The following DCDC2 variants were observed in gnomAD, a reference collection of about 807,000 sequenced individuals.
DCDC2 encodes the protein doublecortin domain containing 2, also known as doublecortin domain-containing protein 2.
In DCDC2, 40 loss-of-function variants were observed where a neutral mutation model predicts 50.2. The ratio of observed to expected loss-of-function variants is 0.80; its 90% confidence interval spans 0.62 to 1.04. The LOEUF is 1.04. Among genes scored for constraint, DCDC2 ranks in the 50% least tolerant of loss-of-function variants. The pLI, the probability that DCDC2 is intolerant of heterozygous loss-of-function variation, is 0.00. For missense variants in DCDC2, 570 were observed against 581.9 expected, an observed-to-expected ratio of 0.98 and a Z score of 0.21; for synonymous variants, 234 against 210.6, an observed-to-expected ratio of 1.11 and a Z score of -0.96.
chr6:24,238,078 G>A (rs1301808465), intron 7 of DCDC2, among the ~76,000 whole-genome samples: 1 of 55,910 alleles, frequency 1.8e-5, no homozygotes, highest in African/African-American at 5.9e-5. Flanking sequence ...AAAATAAAAG[G>A]TTTTTTTTTT....
At chr6:24,372,929 C>CA in the DCDC2 span, among the ~76,000 whole-genome samples, 251 of 150,930 alleles carry the variant, frequency 1.7e-3, no homozygotes, top group African/African-American at 5.6e-3. Flanking sequence ...AAAAATAAAA[C>CA]AAAAAAAAGA....
intron 8 of DCDC2, among the ~76,000 whole-genome samples, chr6:24,202,046 T>C (rs1761601017): frequency 6.6e-6 from 1 of 152,066 alleles, no homozygotes; most frequent in Non-Finnish European, 1.5e-5. Context: ...AGCTGAATTC[T>C]ACCAGACATA....
chr6:24,258,587 T>C (rs1393819239), intron 7 of DCDC2, among the ~76,000 whole-genome samples: 2 of 152,182 alleles, frequency 1.3e-5, no homozygotes, highest in African/African-American at 4.8e-5. Flanking sequence ...CACCTCTCCG[T>C]AGCACCACAA....
chr6:24,363,832 C>T, the DCDC2 span, among the ~76,000 whole-genome samples: 2 of 152,172 alleles, frequency 1.3e-5, no homozygotes, highest in Non-Finnish European at 2.9e-5. Context: ...CTCCACAGAA[C>T]AGTCATCCTG....
At chr6:24,217,512 A>C (rs971427847) in intron 7 of DCDC2, among the ~76,000 whole-genome samples, 2 of 152,198 alleles carry the variant, frequency 1.3e-5, no homozygotes, top group Non-Finnish European at 2.9e-5. Context: ...GTTCTCACTC[A>C]AGGTAAAGTG....
intron 4 of DCDC2, among the ~76,000 whole-genome samples, chr6:24,297,949 TG>T (rs1759287636): frequency 1.3e-5 from 2 of 152,220 alleles, no homozygotes; most frequent in African/African-American, 4.8e-5. Flanking sequence ...AAATGCAAAC[TG>T]GAAGTGTACT....
intron 2 of DCDC2, among the ~76,000 whole-genome samples, chr6:24,326,974 G>C (rs191839919): frequency 6.7e-6 from 1 of 149,380 alleles, no homozygotes; most frequent in East Asian, 2.2e-4. Context: ...GGCTCACTTT[G>C]AGGCCAAGGA....
chr6:24,358,982 T>A (rs1165046511), upstream of DCDC2, among the ~76,000 whole-genome samples: 2 of 45,804 alleles, frequency 4.4e-5, no homozygotes, highest in Admixed American at 4.2e-4. Context: ...TTTTATACAT[T>A]ATATATTATA....
intron 7 of DCDC2, among the ~76,000 whole-genome samples, chr6:24,273,973 A>G (rs1230185661): frequency 1.3e-5 from 2 of 152,234 alleles, no homozygotes; most frequent in Non-Finnish European, 2.9e-5. Flanking sequence ...CTGGGAATAA[A>G]CCAGGATTTG....
chr6:24,338,687 C>A (rs793705), intron 2 of DCDC2, among the ~76,000 whole-genome samples: 71,239 of 152,016 alleles, frequency 0.47, 18,739 homozygotes, highest in Admixed American at 0.57. Context: ...TCCTGTTGCC[C>A]AGGCTAGAGT....
At chr6:24,321,680 G>A (rs753754130) in intron 2 of DCDC2, among the ~76,000 whole-genome samples, 3 of 152,080 alleles carry the variant, frequency 2.0e-5, no homozygotes, top group Non-Finnish European at 2.9e-5. Flanking sequence ...GGACCTAGCA[G>A]TCATCTCTTT....
intron 2 of DCDC2, among the ~76,000 whole-genome samples, chr6:24,342,211 T>A (rs1450149074): frequency 6.6e-6 from 1 of 152,230 alleles, no homozygotes; most frequent in East Asian, 1.9e-4. Context: ...TCCAGGGTGC[T>A]ATGCTACCTT....
At chr6:24,229,467 C>G (rs1762294539) in intron 7 of DCDC2, among the ~76,000 whole-genome samples, 1 of 152,168 alleles carries the variant, frequency 6.6e-6, no homozygotes, top group Admixed American at 6.5e-5. Context: ...GATTAGCAAC[C>G]TTAATTCCCC....
chr6:24,265,888 TAAC>T (rs770641921), intron 7 of DCDC2, among the ~76,000 whole-genome samples: 49 of 144,042 alleles, frequency 3.4e-4, no homozygotes, highest in Non-Finnish European at 6.9e-4. Context: ...TTAAAAGAAA[TAAC>T]AACAGAGCAG....
intron 7 of DCDC2, among the ~76,000 whole-genome samples, chr6:24,258,183 G>GAGC (rs1247371797): frequency 1.3e-5 from 2 of 152,124 alleles, no homozygotes; most frequent in Admixed American, 6.5e-5. Context: ...CCCAAAGAGG[G>GAGC]AGCAGCAGCA....
Position 24,192,703 on chromosome 6 carries a change from CTTTTA to C in DCDC2, c.1023+12294_1023+12298del, listed in dbSNP as rs543311173. 4.4e-4 allele frequency among the ~76,000 whole-genome samples: 66 copies of C among 151,652 alleles called. No individual in the cohort carries two copies. The East Asian group carries it at 9.9e-3, about 23-fold the overall frequency. ...AATCAAAGGAAGATAAAAGTTGAGG[CTTTTA>C]TTTTTTTTCAGTGAGAAAGTTAAAA... On this transcript the variant is annotated intron_variant, in intron 8 of 9. Transcript: ENST00000378454.
At chr6:24,220,904 G>A (rs550091066) in intron 7 of DCDC2, among the ~76,000 whole-genome samples, 44 of 150,992 alleles carry the variant, frequency 2.9e-4, no homozygotes, top group African/African-American at 8.2e-4. Context: ...GCGAGCGAGC[G>A]AGAGAGTGAG....
upstream of DCDC2, among the ~76,000 whole-genome samples, chr6:24,358,781 A>ATATATAAAATATATATTTTATATAT (rs1760538460): frequency 1.3e-5 from 1 of 78,964 alleles, no homozygotes; most frequent in Non-Finnish European, 2.3e-5. Context: ...TTTATATATA[A>ATATATAAAATATATATTTTATATAT]TATATAAAAT....
At chr6:24,214,278 A>G (rs935583518) in intron 7 of DCDC2, among the ~76,000 whole-genome samples, 1 of 152,166 alleles carries the variant, frequency 6.6e-6, no homozygotes, top group African/African-American at 2.4e-5. Context: ...CAGTTATTTA[A>G]CCTTAACTTT....
Sources: allele counts gnomAD v4.1 joint callset (sites outside exome capture counted in the v4.1 genomes callset), GRCh38; gene constraint gnomAD v4.1.1; transcripts MANE v1.5; gene names NCBI Gene and HGNC (gene_info 2026-07-23, HGNC 2026-07-21).